TPH2: variants seen among roughly 807,000 people sequenced by gnomAD.
The protein encoded by TPH2 is tryptophan 5-hydroxylase 2.
TPH2 carries 27 observed loss-of-function variants against 59.1 expected under a neutral mutation model. The observed-to-expected ratio is 0.46, with a 90% confidence interval of 0.34 to 0.63. The LOEUF (loss-of-function observed/expected upper bound fraction) is 0.63, where lower values mean the gene tolerates loss of function less well. TPH2 is among the 30% of genes least tolerant of loss of function. TPH2 has a pLI of 0.01. For missense variants in TPH2, 523 were observed against 588.3 expected, an observed-to-expected ratio of 0.89 and a Z score of 1.15; for synonymous variants, 220 against 210.5, an observed-to-expected ratio of 1.05 and a Z score of -0.39.
intron 5 of TPH2, among the ~76,000 whole-genome samples, chr12:71,955,669 T>A (rs1871474608): frequency 6.6e-6 from 1 of 152,198 alleles, no homozygotes; most frequent in Non-Finnish European, 1.5e-5. Flanking sequence ...CATGAGCGAA[T>A]ATAGTAACAA....
chr12:71,978,527 C>T (rs1346592415), intron 6 of TPH2, among the ~76,000 whole-genome samples: 1 of 152,142 alleles, frequency 6.6e-6, no homozygotes, highest in Non-Finnish European at 1.5e-5. Context: ...TTTGAAGATG[C>T]TAGTGAAGGG....
intron 5 of TPH2, among the ~76,000 whole-genome samples, chr12:71,968,117 A>G (rs1334422534): frequency 6.6e-6 from 1 of 152,090 alleles, no homozygotes; most frequent in Non-Finnish European, 1.5e-5. Flanking sequence ...CTCAGGCCAC[A>G]CTCACCCTGG....
At chr12:71,967,691 G>T (rs1871856398) in intron 5 of TPH2, among the ~76,000 whole-genome samples, 1 of 152,178 alleles carries the variant, frequency 6.6e-6, no homozygotes, top group African/African-American at 2.4e-5. Context: ...TAATTAGTCT[G>T]TTGAGGAGTA....
intron 5 of TPH2, among the ~76,000 whole-genome samples, chr12:71,950,518 G>A (rs567838361): frequency 6.6e-6 from 1 of 152,268 alleles, no homozygotes; most frequent in African/African-American, 2.4e-5. Context: ...AAATGGTGTT[G>A]TATGTTGACT....
intron 8 of TPH2, among the ~76,000 whole-genome samples, chr12:72,020,732 T>C (rs1283172267): frequency 6.6e-6 from 1 of 152,058 alleles, no homozygotes; most frequent in Non-Finnish European, 1.5e-5. Flanking sequence ...GGTGATCTGA[T>C]CCCTTTGGCC....
At chr12:72,019,740 C>A (rs1873357551) in intron 8 of TPH2, among the ~76,000 whole-genome samples, 2 of 152,164 alleles carry the variant, frequency 1.3e-5, no homozygotes, top group Admixed American at 1.3e-4. Context: ...TTGTTCATTG[C>A]ATATCCTTAG....
chr12:71,994,895 T>A (rs998059026), intron 8 of TPH2, among the ~76,000 whole-genome samples: 1 of 152,204 alleles, frequency 6.6e-6, no homozygotes, highest in African/African-American at 2.4e-5. Context: ...AACAAATAAG[T>A]AAATAAATGA....
At position 71,944,570 on chromosome 12, in the gene TPH2, G is replaced by C; in HGVS notation, c.440-16G>C. 6.2e-7 allele frequency: 1 copy of C among 1,613,756 alleles called. No individual in the cohort carries two copies. Among genetic ancestry groups the C allele is most frequent in the East Asian group, 2.2e-5 (1 of 44,874 alleles). Reference sequence around the variant, plus strand: ...TCTGTGAACTAATATTTTTGAACCTGCACTGTTTTCAACAGAGCTAGAGGA... The same window carrying C: ...TCTGTGAACTAATATTTTTGAACCTCCACTGTTTTCAACAGAGCTAGAGGA... On this transcript the variant is annotated splice_polypyrimidine_tract_variant and intron_variant, in intron 3 of 10. Coordinates refer to ENST00000333850, the MANE Select transcript of TPH2 (RefSeq NM_173353.4).
intron 8 of TPH2, among the ~76,000 whole-genome samples, chr12:72,012,976 G>A (rs1873139641): frequency 6.6e-6 from 1 of 152,142 alleles, no homozygotes; most frequent in South Asian, 2.1e-4. Flanking sequence ...ATTCTTGAAA[G>A]CAACCCAAAA....
intron 5 of TPH2, among the ~76,000 whole-genome samples, chr12:71,954,988 C>T (rs1871455190): frequency 6.6e-6 from 1 of 152,028 alleles, no homozygotes; most frequent in Admixed American, 6.5e-5. Context: ...GTACCTACTC[C>T]TGGTTGAAAG....
rs1870981489 is a variant in TPH2 at position 71,939,100 on chromosome 12, T to C, written c.105+9T>C. The C allele has an allele frequency of 6.2e-6, 10 of 1,603,738 alleles. No homozygotes were observed. The highest frequency in any genetic ancestry group is 8.5e-6 in the Non-Finnish European group (10 of 1,171,108). On this transcript the variant is annotated intron_variant, in intron 1 of 10. Coordinates refer to ENST00000333850, the MANE Select transcript of TPH2 (RefSeq NM_173353.4). ...TACTTGGCAGCTCAACAGTGAGTAC[T>C]ACGTACCTGGCACTATGGAGAATTA... is the stretch of plus-strand genomic sequence containing the variant.
intron 5 of TPH2, among the ~76,000 whole-genome samples, chr12:71,955,407 T>C (rs1048853918): frequency 1.3e-5 from 2 of 152,186 alleles, no homozygotes; most frequent in African/African-American, 4.8e-5. Flanking sequence ...ACCAAAGGCA[T>C]GGGGTTTACT....
At chr12:71,974,859 G>A (rs7315349) in intron 6 of TPH2, among the ~76,000 whole-genome samples, 152,303 of 152,314 alleles carry the variant, frequency 1, 76,146 homozygotes, top group Middle Eastern at 1. Context: ...ACTGCCCATA[G>A]ATGTTACTTT....
At chr12:72,021,694 A>G (rs902000935) in intron 8 of TPH2, among the ~76,000 whole-genome samples, 2 of 152,170 alleles carry the variant, frequency 1.3e-5, no homozygotes, top group Admixed American at 1.3e-4. Flanking sequence ...ATTATTTTCA[A>G]CTTATTGGGT....
rs953807335 is a variant in TPH2 at position 71,994,294 on chromosome 12, A to G, written c.942-145A>G. 4.9e-6 allele frequency: 4 copies of G among 824,704 alleles called. No homozygotes were observed. The African/African-American group carries it at 6.8e-5, about 14-fold the overall frequency. The allele number at this position is 824,704 out of a possible 1,614,324, so 51.1% of individuals were successfully genotyped here. On this transcript the variant is annotated intron_variant, in intron 7 of 10. Coordinates refer to ENST00000333850, the MANE Select transcript of TPH2 (RefSeq NM_173353.4). ...GCAGTGGGATTTCAGACATATTAAA[A>G]TGATTAAGAAGTCCCAGCATTGATG...
At chr12:71,949,519 T>C in intron 4 of TPH2, 69 bp from the exon 5 acceptor site, 1 of 1,342,838 alleles carries the variant, frequency 7.4e-7, no homozygotes. Flanking sequence ...CCACAGTGAT[T>C]TTCTTTTAGG....
intron 5 of TPH2, among the ~76,000 whole-genome samples, chr12:71,950,518 G>T (rs567838361): frequency 2.0e-5 from 3 of 152,150 alleles, no homozygotes; most frequent in South Asian, 2.1e-4. Context: ...AAATGGTGTT[G>T]TATGTTGACT....
At chr12:71,957,039 A>G (rs1029290818) in intron 5 of TPH2, among the ~76,000 whole-genome samples, 2 of 152,174 alleles carry the variant, frequency 1.3e-5, no homozygotes, top group African/African-American at 4.8e-5. Flanking sequence ...AATGTATAGG[A>G]TTTGGAGCTA....
At chr12:71,956,261 C>G (rs749160858) in intron 5 of TPH2, among the ~76,000 whole-genome samples, 3 of 152,194 alleles carry the variant, frequency 2.0e-5, no homozygotes, top group Admixed American at 6.5e-5. Context: ...CACCATCACT[C>G]TTGCTGTATC....
Sources: allele counts gnomAD v4.1 joint callset (sites outside exome capture counted in the v4.1 genomes callset), GRCh38; gene constraint gnomAD v4.1.1; transcripts MANE v1.5; gene names NCBI Gene and HGNC (gene_info 2026-07-23, HGNC 2026-07-21).